NALF1: variants seen among roughly 807,000 people sequenced by gnomAD.
NALF1 encodes family with sequence similarity 155 member A.
Under a neutral mutation model 48.4 loss-of-function variants are expected in NALF1, and 3 were observed. The observed-to-expected ratio is 0.06, with a 90% CI of 0.03 to 0.16. The LOEUF (loss-of-function observed/expected upper bound fraction) is 0.16. Ranked by LOEUF, NALF1 falls within the 10% of genes least tolerant of loss-of-function variation. The pLI, the probability that NALF1 is intolerant of heterozygous loss-of-function variation, is 1.00. For synonymous variants in NALF1, 262 were observed against 245.7 expected (o/e 1.07, Z -0.62); for missense variants, 526 against 571.5 (o/e 0.92, Z 0.81).
chr13:107,830,132 C>G (rs1258312736), intron 1 of NALF1, among the ~76,000 whole-genome samples: 5 of 152,178 alleles, frequency 3.3e-5, no homozygotes, highest in Non-Finnish European at 7.3e-5. Flanking sequence ...TGGCCCATTT[C>G]CCTTTCTACC....
chr13:107,829,625 T>A (rs1026301379), intron 1 of NALF1, among the ~76,000 whole-genome samples: 1 of 152,080 alleles, frequency 6.6e-6, no homozygotes, highest in Admixed American at 6.6e-5. Context: ...TTAAGACAAC[T>A]GTATTAACTG....
At chr13:107,553,827 T>G (rs879698090) in intron 1 of NALF1, among the ~76,000 whole-genome samples, 4 of 152,210 alleles carry the variant, frequency 2.6e-5, no homozygotes, top group Non-Finnish European at 4.4e-5. Flanking sequence ...GCAATTGCGC[T>G]TCCTCCATCC....
At chr13:107,504,546 TA>T (rs1307924626) in intron 1 of NALF1, among the ~76,000 whole-genome samples, 1 of 152,130 alleles carries the variant, frequency 6.6e-6, no homozygotes, top group African/African-American at 2.4e-5. Flanking sequence ...ATGTACACAA[TA>T]AAATTTATTA....
At chr13:107,232,996 T>C (rs1011712318) in intron 1 of NALF1, among the ~76,000 whole-genome samples, 3 of 152,192 alleles carry the variant, frequency 2.0e-5, no homozygotes, top group East Asian at 1.9e-4. Flanking sequence ...AGTTGCAAGA[T>C]TGGATCCAAA....
At chr13:107,645,173 T>C (rs1880282964) in intron 1 of NALF1, among the ~76,000 whole-genome samples, 2 of 152,284 alleles carry the variant, frequency 1.3e-5, no homozygotes, top group East Asian at 1.9e-4. Flanking sequence ...TATTTGGCTT[T>C]AATAGGCACT....
chr13:107,472,308 A>C (rs1006183477), intron 1 of NALF1, among the ~76,000 whole-genome samples: 1 of 152,318 alleles, frequency 6.6e-6, no homozygotes. Flanking sequence ...CAGCCTGGGC[A>C]ACAGAGCGAG....
chr13:107,750,412 C>T (rs1187742717), intron 1 of NALF1, among the ~76,000 whole-genome samples: 3 of 152,150 alleles, frequency 2.0e-5, no homozygotes, highest in African/African-American at 7.2e-5. Context: ...AACTGAGCTG[C>T]ATAACCATTT....
intron 1 of NALF1, among the ~76,000 whole-genome samples, chr13:107,734,129 A>G (rs1285970176): frequency 6.6e-6 from 1 of 152,142 alleles, no homozygotes; most frequent in Non-Finnish European, 1.5e-5. Flanking sequence ...GTCACCAAGA[A>G]TAGGAATTTT....
At chr13:107,608,339 A>G (rs1408463442) in intron 1 of NALF1, among the ~76,000 whole-genome samples, 1 of 152,244 alleles carries the variant, frequency 6.6e-6, no homozygotes, top group Non-Finnish European at 1.5e-5. Context: ...GTCAATGATC[A>G]AATACATGAA....
intron 1 of NALF1, among the ~76,000 whole-genome samples, chr13:107,476,934 TA>T (rs779235080): frequency 6.6e-6 from 1 of 152,134 alleles, no homozygotes; most frequent in Admixed American, 6.6e-5. Flanking sequence ...AAATGGACAA[TA>T]TTTTTTTAGA....
At chr13:107,183,194 C>T (rs538394853) in intron 2 of NALF1, among the ~76,000 whole-genome samples, 12 of 152,170 alleles carry the variant, frequency 7.9e-5, no homozygotes, top group Admixed American at 2.0e-4. Flanking sequence ...CAGCGACACA[C>T]CCCTGGGGGA....
chr13:107,289,831 G>A (rs369287067), intron 1 of NALF1, among the ~76,000 whole-genome samples: 3 of 152,198 alleles, frequency 2.0e-5, no homozygotes, highest in East Asian at 1.9e-4. Flanking sequence ...AAAGAAATAC[G>A]GTCATTCCTC....
At chr13:107,688,790 T>C (rs1465278044) in intron 1 of NALF1, among the ~76,000 whole-genome samples, 1 of 152,128 alleles carries the variant, frequency 6.6e-6, no homozygotes, top group Non-Finnish European at 1.5e-5. Context: ...TTTCAATGCA[T>C]GGGCGAAATC....
rs1164753303 is a variant in NALF1 at position 107,783,301 on chromosome 13, G to A, written c.915+82381C>T. ...CGGGAGGTGAGGGGCGCCTCTGCCC[G>A]GCCACCCCTACTGGGAAGTGAGGAG... On this transcript the variant is annotated intron_variant, in intron 1 of 2. Coordinates refer to ENST00000375915, the MANE Select transcript of NALF1 (RefSeq NM_001080396.3). Among the ~76,000 whole-genome samples the A allele has an allele frequency of 3.6e-5, 4 of 110,534 alleles. 1 individual carries two copies. Among genetic ancestry groups the A allele is most frequent in the East Asian group, 3.6e-4 (1 of 2,764 alleles). The allele number at this position is 110,534 out of a possible 152,430, so 72.5% of individuals were successfully genotyped here.
At chr13:107,677,085 C>T (rs1881152095) in intron 1 of NALF1, among the ~76,000 whole-genome samples, 1 of 152,184 alleles carries the variant, frequency 6.6e-6, no homozygotes, top group Admixed American at 6.5e-5. Flanking sequence ...CTCGCTCCTT[C>T]GCCCAGGCTG....
At chr13:107,300,434 A>G (rs1015864209) in intron 1 of NALF1, among the ~76,000 whole-genome samples, 3 of 152,184 alleles carry the variant, frequency 2.0e-5, no homozygotes, top group African/African-American at 7.2e-5. Flanking sequence ...GTTATCATTC[A>G]CAGTGTTGCT....
At chr13:107,550,067 T>C (rs1308981942) in intron 1 of NALF1, among the ~76,000 whole-genome samples, 1 of 152,136 alleles carries the variant, frequency 6.6e-6, no homozygotes, top group Admixed American at 6.6e-5. Context: ...ATCGCTTAAG[T>C]AAAATGACCA....
intron 1 of NALF1, among the ~76,000 whole-genome samples, chr13:107,216,255 T>G (rs997136316): frequency 6.6e-6 from 1 of 152,250 alleles, no homozygotes; most frequent in Non-Finnish European, 1.5e-5. Flanking sequence ...TAATGCACTT[T>G]GACGCATAAC....
intron 1 of NALF1, among the ~76,000 whole-genome samples, chr13:107,230,406 A>C (rs1566458244): frequency 6.6e-6 from 1 of 152,192 alleles, no homozygotes; most frequent in Non-Finnish European, 1.5e-5. Flanking sequence ...AAAGCATAGA[A>C]TAAGGTCAGC....
Sources: gnomAD v4.1 joint callset for allele counts (sites outside exome capture counted in the v4.1 genomes callset) on GRCh38, gnomAD v4.1.1 for gene constraint, MANE v1.5 for transcripts, NCBI Gene and HGNC (gene_info 2026-07-23, HGNC 2026-07-21) for gene names.